Variants in LAMB4 observed in about 807,000 individuals in gnomAD.
LAMB4 encodes laminin subunit beta 4, also known as laminin subunit beta-4.
Under a neutral mutation model 199.2 loss-of-function variants are expected in LAMB4, and 196 were observed. That is an observed-to-expected ratio of 0.98 (90% CI 0.88 to 1.11). LAMB4 has a LOEUF of 1.11. Ranked by LOEUF, LAMB4 falls within the 50% of genes least tolerant of loss-of-function variation. The pLI, the probability that LAMB4 is intolerant of heterozygous loss-of-function variation, is 0.00. For missense variants in LAMB4, 2,080 were observed against 2,171.2 expected, an observed-to-expected ratio of 0.96 and a Z score of 0.83; for synonymous variants, 744 against 770.6, an observed-to-expected ratio of 0.97 and a Z score of 0.57.
At chr7:108,013,870 A>G in the LAMB4 span, among the ~76,000 whole-genome samples, 1 of 152,196 alleles carries the variant, frequency 6.6e-6, no homozygotes. Context: ...CCAAACAGTT[A>G]CTTACAAAGA....
At position 108,030,823 on chromosome 7, in the gene LAMB4, C is replaced by T. The variant is rs750369501; in HGVS notation, c.4975G>A (p.Ala1659Thr). ...CTAATGACCTTCTCAAGACTCCCAG[C>T]CTGGTGTTGGGCAGATTCAGCCTGA... ...KVQAESAQHQ[A>T]GSLEKEFVEL... is the part of the protein sequence containing the mutation. Residue 1659 changes from alanine (A) to threonine (T), a missense_variant, in exon 32 of 34, where the codon GCT becomes ACT. By Grantham distance (58) the Ala-to-Thr change is moderately conservative (BLOSUM62 0). Transcript: ENST00000388781. The T allele has an allele frequency of 1.4e-5, 23 of 1,614,066 alleles. No homozygotes were observed. In the African/African-American group the frequency reaches 1.7e-4, roughly 12 times the overall value.
At position 108,116,053 on chromosome 7, in the gene LAMB4, G is replaced by T; in HGVS notation, c.143C>A (p.Thr48Asn). 6.2e-7 allele frequency: 1 copy of T among 1,614,060 alleles called. No homozygotes were observed. The highest frequency in any genetic ancestry group is 8.5e-7 in the Non-Finnish European group (1 of 1,179,950). Residue 48 changes from threonine (T) to asparagine (N), a missense_variant, in exon 3 of 34, where the codon ACC (threonine) becomes AAC (asparagine). Thr to Asn is a moderately conservative substitution (Grantham distance 65, BLOSUM62 0). Transcript: ENST00000388781. ...TTTCTGGGCTCTGCTCAGCCCACAG[G>T]TAGAAGAAGCCATAAGCTGCGTGTT... is the stretch of plus-strand genomic sequence containing the variant. ...GRNTQLMASSTCGLSRAQKYC... is the reference protein window; with the variant it reads ...GRNTQLMASSNCGLSRAQKYC...
At chr7:108,040,331 C>T (rs1209100738) in intron 29 of LAMB4, among the ~76,000 whole-genome samples, 5 of 152,164 alleles carry the variant, frequency 3.3e-5, no homozygotes, top group Non-Finnish European at 1.5e-5. Context: ...AATGGCTATA[C>T]TGCCCAAAAC....
chr7:108,086,847 C>T (rs968678617), intron 14 of LAMB4, among the ~76,000 whole-genome samples: 5 of 152,272 alleles, frequency 3.3e-5, no homozygotes, highest in African/African-American at 9.6e-5. Context: ...CTCAGATTCC[C>T]GGATGTGGTA....
At chr7:108,099,762 A>G (rs1379459600) in intron 10 of LAMB4, among the ~76,000 whole-genome samples, 2 of 152,244 alleles carry the variant, frequency 1.3e-5, no homozygotes, top group Non-Finnish European at 2.9e-5. Flanking sequence ...ATGTCTATAT[A>G]ACCACCATTT....
chr7:108,106,709 C>T, intron 6 of LAMB4, 137 bp from the exon 7 acceptor site: 1 of 557,894 alleles, frequency 1.8e-6, no homozygotes, highest in Non-Finnish European at 3.2e-6. Context: ...AGACCACAGG[C>T]ATGCACCACC....
intron 4 of LAMB4, among the ~76,000 whole-genome samples, chr7:108,111,542 A>G (rs2038224477): frequency 1.3e-5 from 2 of 152,224 alleles, no homozygotes; most frequent in African/African-American, 4.8e-5. Flanking sequence ...ACAAAGAACA[A>G]AAGGATGCAG....
chr7:108,121,203 T>G (rs77995012), intron 2 of LAMB4, among the ~76,000 whole-genome samples: 1 of 152,352 alleles, frequency 6.6e-6, no homozygotes, highest in Non-Finnish European at 1.5e-5. Context: ...TTATGAACTT[T>G]AAGAATGTTA....
Position 108,091,655 on chromosome 7 carries a change from C to T in LAMB4, c.1672G>A (p.Ala558Thr). Residue 558 changes from alanine to threonine, a missense_variant, in exon 14 of 34, where the codon GCC becomes ACC. By Grantham distance (58) the Ala-to-Thr change is moderately conservative (BLOSUM62 0). Transcript: ENST00000388781. ...LNFYLYEAEE[A>T]TTLQGLAPLG... ...GGCGCCAGTCCTTGGAGTGTTGTGG[C>T]TTCCTCTGCCTCGTAGAGATAGAAA... 1 of 1,613,982 alleles carries T rather than the reference C, an allele frequency of 6.2e-7. No homozygotes were observed. The highest frequency in any genetic ancestry group is 8.5e-7 in the Non-Finnish European group (1 of 1,179,976).
chr7:108,128,543 C>G (rs969203239), intron 1 of LAMB4, among the ~76,000 whole-genome samples: 22 of 152,288 alleles, frequency 1.4e-4, no homozygotes, highest in African/African-American at 5.3e-4. Flanking sequence ...AATCACTCAC[C>G]TCTAGTCTTC....
At chr7:108,081,011 A>G (rs2150581551) in intron 14 of LAMB4, among the ~76,000 whole-genome samples, 1 of 152,286 alleles carries the variant, frequency 6.6e-6, no homozygotes, top group Non-Finnish European at 1.5e-5. Flanking sequence ...ACTCCCAGCT[A>G]CTTGGAAGGC....
intron 29 of LAMB4, among the ~76,000 whole-genome samples, chr7:108,039,857 G>C (rs1445869098): frequency 6.6e-6 from 1 of 152,168 alleles, no homozygotes; most frequent in Non-Finnish European, 1.5e-5. Flanking sequence ...ACCAGCACAA[G>C]ACAAGGATGC....
At chr7:108,126,493 T>A (rs374170454) in intron 1 of LAMB4, among the ~76,000 whole-genome samples, 13 of 152,046 alleles carry the variant, frequency 8.6e-5, no homozygotes, top group South Asian at 6.2e-4. Context: ...GACTGGCCTA[T>A]TTCACGTAGC....
intron 25 of LAMB4, 83 bp downstream of exon 25, chr7:108,055,549 T>C (rs2035954132): frequency 2.9e-6 from 4 of 1,385,984 alleles, no homozygotes; most frequent in East Asian, 2.3e-5. Flanking sequence ...CATTTCTAAA[T>C]TGAAGGCTGA....
intron 14 of LAMB4, among the ~76,000 whole-genome samples, chr7:108,082,291 C>T (rs1397692067): frequency 6.8e-6 from 1 of 146,056 alleles, no homozygotes; most frequent in East Asian, 2.0e-4. Context: ...AATAGCACCA[C>T]TGCACTCCAG....
intron 14 of LAMB4, among the ~76,000 whole-genome samples, chr7:108,085,835 G>A (rs1021398867): frequency 8.5e-5 from 13 of 152,170 alleles, no homozygotes; most frequent in East Asian, 1.9e-4. Flanking sequence ...GGATGGTCTC[G>A]ATCTCCTGAC....
At chr7:108,109,697 A>G (rs2038148867) in intron 4 of LAMB4, among the ~76,000 whole-genome samples, 1 of 152,212 alleles carries the variant, frequency 6.6e-6, no homozygotes, top group African/African-American at 2.4e-5. Flanking sequence ...CACCTGGCAT[A>G]TAACACAGCT....
At position 108,057,821 on chromosome 7, in the gene LAMB4, C is replaced by G. The variant is rs747212523; in HGVS notation, c.3379+11G>C. ...CTGTACGCATGAGTTTTTAGAAATC[C>G]CAATACTTACGAATGCATCGCCCAG... On this transcript the variant is annotated intron_variant, in intron 24 of 33. Coordinates refer to ENST00000388781, the MANE Select transcript of LAMB4 (RefSeq NM_007356.3). The G allele has an allele frequency of 3.8e-6, 6 of 1,578,142 alleles. No individual in the cohort carries two copies. In the African/African-American group the frequency reaches 4.0e-5, roughly 11 times the overall value.
the LAMB4 span, among the ~76,000 whole-genome samples, chr7:108,013,876 A>G: frequency 6.6e-6 from 1 of 152,186 alleles, no homozygotes; most frequent in Non-Finnish European, 1.5e-5. Flanking sequence ...AGTTACTTAC[A>G]AAGATAGTAC....
Sources: allele counts gnomAD v4.1 joint callset (sites outside exome capture counted in the v4.1 genomes callset), GRCh38; gene constraint gnomAD v4.1.1; transcripts MANE v1.5; gene names NCBI Gene and HGNC (gene_info 2026-07-23, HGNC 2026-07-21).